The following FOCAD variants were observed in gnomAD, a reference collection of about 807,000 sequenced individuals.
The protein encoded by FOCAD is KIAA1797.
A neutral mutation model predicts 225.6 loss-of-function variants in FOCAD; 198 were observed. The ratio of observed to expected loss-of-function variants is 0.88; its 90% confidence interval spans 0.78 to 0.99. The LOEUF (loss-of-function observed/expected upper bound fraction) is 0.99. FOCAD is among the 50% of genes least tolerant of loss of function. FOCAD has a pLI of 0.00. For synonymous variants in FOCAD, 897 were observed against 755.0 expected (o/e 1.19, Z -3.08); for missense variants, 2,713 against 2,123.6 (o/e 1.28, Z -5.46).
chr9:20,963,140 G>A (rs1838916156), intron 35 of FOCAD, among the ~76,000 whole-genome samples: 2 of 152,116 alleles, frequency 1.3e-5, no homozygotes, highest in African/African-American at 4.8e-5. Context: ...AATTTTTTGT[G>A]AGTGTAGTTA....
chr9:20,680,855 C>T (rs559558390), upstream of FOCAD, among the ~76,000 whole-genome samples: 62 of 152,074 alleles, frequency 4.1e-4, no homozygotes, highest in Admixed American at 2.0e-4. Flanking sequence ...GTATGTTAGC[C>T]GAACACTGTG....
At chr9:20,764,555 C>G (rs754538810) in intron 6 of FOCAD, among the ~76,000 whole-genome samples, 9 of 152,132 alleles carry the variant, frequency 5.9e-5, no homozygotes, top group Non-Finnish European at 1.2e-4. Context: ...GTGCCCAGCC[C>G]AGATGATTCT....
chr9:20,919,868 A>T (rs1168739509), intron 24 of FOCAD, among the ~76,000 whole-genome samples: 1 of 151,962 alleles, frequency 6.6e-6, no homozygotes, highest in Non-Finnish European at 1.5e-5. Flanking sequence ...CCTAGAAGAA[A>T]ACCTAGGCAA....
At chr9:20,810,645 A>G (rs757493637) in intron 11 of FOCAD, among the ~76,000 whole-genome samples, 6 of 152,124 alleles carry the variant, frequency 3.9e-5, no homozygotes, top group Non-Finnish European at 8.8e-5. Flanking sequence ...TGGTAGTTAC[A>G]TATTGGTAAT....
chr9:20,859,364 A>G (rs369828820), intron 15 of FOCAD, among the ~76,000 whole-genome samples: 9 of 151,586 alleles, frequency 5.9e-5, no homozygotes, highest in African/African-American at 1.7e-4. Context: ...TCAGGCAACA[A>G]GAGTGAAACT....
intron 35 of FOCAD, chr9:20,957,673 C>CTCTCTTTTTTT (rs1361017091): frequency 2.6e-5 from 1 of 38,422 alleles, no homozygotes; most frequent in African/African-American, 1.1e-4. Flanking sequence ...ATCTCTCTCT[C>CTCTCTTTTTTT]TTTTTTTTTT....
At chr9:20,889,018 C>A (rs1008889904) in intron 21 of FOCAD, among the ~76,000 whole-genome samples, 2 of 152,180 alleles carry the variant, frequency 1.3e-5, no homozygotes, top group African/African-American at 4.8e-5. Context: ...TTAAAGTATA[C>A]AACTCAGTGG....
chr9:20,910,099 A>G (rs1481904648), intron 22 of FOCAD, among the ~76,000 whole-genome samples: 1 of 152,084 alleles, frequency 6.6e-6, no homozygotes, highest in Non-Finnish European at 1.5e-5. Context: ...TAATTTTTCC[A>G]TAGGAACTTG....
In FOCAD at chr9:20,699,271, G is replaced by A. The variant is rs979108231; in HGVS notation, c.-33+14978G>A. Among the ~76,000 whole-genome samples the A allele has an allele frequency of 3.3e-5, 5 of 152,158 alleles. No individual in the cohort carries two copies. The South Asian group carries it at 1.0e-3, about 31-fold the overall frequency. ...GGGCTGAAAGGCAGAAGTAGTCTTT[G>A]AGGGTGAAATGAAACTCTTTTGAAG... On this transcript the variant is annotated intron_variant, in intron 1 of 43. Transcript: ENST00000338382.
chr9:20,959,106 C>T (rs894866652), intron 35 of FOCAD, among the ~76,000 whole-genome samples: 3 of 152,112 alleles, frequency 2.0e-5, no homozygotes, highest in Non-Finnish European at 2.9e-5. Context: ...TCTGAGGAAC[C>T]TCCCTACTGT....
chr9:20,670,454 A>G (rs1822028192), intron 2 of FOCAD, among the ~76,000 whole-genome samples: 1 of 152,214 alleles, frequency 6.6e-6, no homozygotes, highest in Non-Finnish European at 1.5e-5. Flanking sequence ...ATTTACAATC[A>G]TAGTAGAAGG....
rs1004521359 is a variant in FOCAD at position 20,700,725 on chromosome 9, T to C, written c.-32-14597T>C. ...TGAGTCTTAATTAATGAAAAAGATA[T>C]AGATTCCTCTCTATTTCTTAGTTTC... On this transcript the variant is annotated intron_variant, in intron 1 of 43. Transcript: ENST00000338382. 2.0e-5 allele frequency among the ~76,000 whole-genome samples: 3 copies of C among 152,254 alleles called. No homozygotes were observed. The South Asian group carries it at 6.2e-4, about 31-fold the overall frequency.
At chr9:20,902,559 A>C (rs1259876865) in intron 21 of FOCAD, among the ~76,000 whole-genome samples, 1 of 151,934 alleles carries the variant, frequency 6.6e-6, no homozygotes, top group African/African-American at 2.4e-5. Context: ...AGGTTTTGCA[A>C]AGTTCTGAGT....
intron 15 of FOCAD, among the ~76,000 whole-genome samples, chr9:20,847,567 AC>A (rs902440674): frequency 2.0e-5 from 3 of 151,552 alleles, no homozygotes; most frequent in African/African-American, 7.3e-5. Flanking sequence ...AGTTGGTGTG[AC>A]AAGAATAGTT....
chr9:20,994,306 A>G (rs1467276016), intron 43 of FOCAD, among the ~76,000 whole-genome samples: 1 of 152,208 alleles, frequency 6.6e-6, no homozygotes, highest in Non-Finnish European at 1.5e-5. Flanking sequence ...TTTTACTCAG[A>G]TCTGAGAAGT....
At chr9:20,790,633 C>T (rs1820426296) in intron 11 of FOCAD, among the ~76,000 whole-genome samples, 1 of 152,016 alleles carries the variant, frequency 6.6e-6, no homozygotes. Context: ...TAGTCGGGTG[C>T]AGTGACATGC....
intron 19 of FOCAD, among the ~76,000 whole-genome samples, chr9:20,878,862 G>A (rs1830444155): frequency 6.6e-6 from 1 of 152,120 alleles, no homozygotes; most frequent in African/African-American, 2.4e-5. Flanking sequence ...GGACCCAGGG[G>A]GCTGCTGGTG....
rs187388933 is a variant in FOCAD, at chr9:20,904,828, C to T, written c.2626-2322C>T. Among the ~76,000 whole-genome samples the T allele has an allele frequency of 6.0e-4, 92 of 152,068 alleles. 1 individual carries two copies. The South Asian group carries it at 0.012, about 20-fold the overall frequency. ...GATTGGATTTTTTTCAAAGGCTTCT[C>T]ACAAGTATAGCAAATTGGACATAAT... On this transcript the variant is annotated intron_variant, in intron 21 of 43. Transcript: ENST00000338382.
intron 7 of FOCAD, among the ~76,000 whole-genome samples, chr9:20,767,417 T>A (rs1410073279): frequency 2.8e-5 from 4 of 141,474 alleles, no homozygotes; most frequent in Non-Finnish European, 4.7e-5. Flanking sequence ...TCCACAATGG[T>A]TGAACTAGTT....
Sources: gnomAD v4.1 joint callset for allele counts (sites outside exome capture counted in the v4.1 genomes callset) on GRCh38, gnomAD v4.1.1 for gene constraint, MANE v1.5 for transcripts, NCBI Gene and HGNC (gene_info 2026-07-23, HGNC 2026-07-21) for gene names.